The following CD55 variants were observed in gnomAD, a reference collection of about 807,000 sequenced individuals.
The protein encoded by CD55 is complement decay-accelerating factor.
CD55 carries 41 observed loss-of-function variants against 45.8 expected under a neutral mutation model. The ratio of observed to expected loss-of-function variants is 0.90; its 90% CI spans 0.70 to 1.16. CD55 has a LOEUF of 1.16. Ranked by LOEUF, CD55 falls within the 50% of genes most tolerant of loss-of-function variation. The pLI, the probability that CD55 is intolerant of heterozygous loss-of-function variation, is 0.00. For synonymous variants in CD55, 181 were observed against 181.1 expected, an observed-to-expected ratio of 1.00 and a Z score of 0.01; for missense variants, 416 against 469.8, an observed-to-expected ratio of 0.89 and a Z score of 1.06.
intron 9 of CD55, among the ~76,000 whole-genome samples, chr1:207,349,844 A>T (rs1558157023): frequency 2.0e-5 from 3 of 152,130 alleles, no homozygotes; most frequent in Non-Finnish European, 4.4e-5. Context: ...TCCTATATGG[A>T]TGCCTTTTAT....
Position 207,340,879 on chromosome 1 carries a change from C to T in CD55, c.1081+1462C>T, listed in dbSNP as rs28739014. 7.2e-3 allele frequency: 2,428 copies of T among 339,354 alleles called. 12 individuals carry two copies. Among genetic ancestry groups the T allele is most frequent in the Non-Finnish European group, 9.4e-3 (1,777 of 188,386 alleles). 21.0% of individuals were successfully genotyped at this position (339,354 alleles called of 1,614,324 possible). A position where few individuals can be genotyped will look rare whatever the true frequency, so the allele number is the denominator to read the frequency against. ...TTTTCAGGAACCTCCATATTGTTTT[C>T]CACAGTGGTTGTACTAATTTACATT... On this transcript the variant is annotated intron_variant, in intron 9 of 9. Coordinates refer to ENST00000367064, the MANE Select transcript of CD55 (RefSeq NM_000574.5).
chr1:207,341,796 T>C (rs182323683), intron 9 of CD55, among the ~76,000 whole-genome samples: 22 of 152,166 alleles, frequency 1.4e-4, no homozygotes, highest in East Asian at 5.8e-4. Flanking sequence ...GGCATTGATA[T>C]CTTGATAGGG....
intron 2 of CD55, among the ~76,000 whole-genome samples, chr1:207,323,695 C>T (rs570833129): frequency 1.3e-5 from 2 of 152,252 alleles, no homozygotes; most frequent in East Asian, 1.9e-4. Context: ...AGAAGCCATG[C>T]GTGAAATAGG....
rs546971533 is a variant in CD55 at position 207,324,788 on chromosome 1, T to C, written c.478+38T>C. ...TTTTAAAGTATTTTCAACCATCTGG[T>C]GTTTGGGGGAAATAGTATCCCTTCC... On this transcript the variant is annotated intron_variant, in intron 3 of 9. Transcript: ENST00000367064. The C allele has an allele frequency of 3.0e-6, 4 of 1,311,606 alleles. No homozygotes were observed. The East Asian group carries it at 9.2e-5, about 30-fold the overall frequency. 81.2% of individuals were successfully genotyped at this position (1,311,606 alleles called of 1,614,324 possible). A position where few individuals can be genotyped will look rare whatever the true frequency, so the allele number is the denominator to read the frequency against.
chr1:207,344,345 T>C (rs939170628), intron 9 of CD55, among the ~76,000 whole-genome samples: 38 of 152,340 alleles, frequency 2.5e-4, no homozygotes, highest in African/African-American at 8.7e-4. Context: ...GTTTTCATGA[T>C]TGTAGATATC....
chr1:207,334,220 C>G (rs578070499), intron 6 of CD55, among the ~76,000 whole-genome samples: 1 of 152,126 alleles, frequency 6.6e-6, no homozygotes, highest in Non-Finnish European at 1.5e-5. Flanking sequence ...AACCAAAAGA[C>G]AATAAGAAGA....
chr1:207,326,945 C>A, intron 5 of CD55, 108 bp downstream of exon 5: 1 of 718,794 alleles, frequency 1.4e-6, no homozygotes, highest in East Asian at 2.8e-5. Flanking sequence ...GTAGCAAACC[C>A]ACCTTTCAAT....
At chr1:207,322,294 G>A (rs768319455) in intron 1 of CD55, 88 bp from the exon 2 acceptor site, 41 of 1,040,726 alleles carry the variant, frequency 3.9e-5, no homozygotes, top group Non-Finnish European at 5.6e-5. Flanking sequence ...TTTCAGGTGT[G>A]GCATTTCAAG....
intron 5 of CD55, among the ~76,000 whole-genome samples, chr1:207,330,330 T>TAA (rs77892308): frequency 0.011 from 1,547 of 144,238 alleles, 12 homozygotes; most frequent in African/African-American, 0.02. Context: ...CCTTCATTCT[T>TAA]AAAAAAAAAA....
chr1:207,338,809 C>T (rs1404330951), intron 8 of CD55, among the ~76,000 whole-genome samples: 8 of 152,110 alleles, frequency 5.3e-5, no homozygotes, highest in Admixed American at 4.6e-4. Flanking sequence ...TTTAATCCTG[C>T]ACTTTTTCTG....
intron 9 of CD55, among the ~76,000 whole-genome samples, chr1:207,352,735 A>G (rs1479856926): frequency 6.6e-6 from 1 of 152,196 alleles, no homozygotes; most frequent in Non-Finnish European, 1.5e-5. Context: ...TAAGGAAGTC[A>G]CTGCATGCAA....
intron 9 of CD55, among the ~76,000 whole-genome samples, chr1:207,342,525 C>T (rs1655468960): frequency 1.3e-5 from 2 of 152,102 alleles, no homozygotes; most frequent in Admixed American, 1.3e-4. Flanking sequence ...TTGAATCATC[C>T]TTGCATCCCT....
chr1:207,329,861 C>T (rs1466276041), intron 5 of CD55, among the ~76,000 whole-genome samples: 1 of 152,116 alleles, frequency 6.6e-6, no homozygotes, highest in Admixed American at 6.5e-5. Flanking sequence ...GTCTGCCCGC[C>T]TCAGCCTCCC....
rs192696037 is a variant in CD55, at chr1:207,341,745, A to G, written c.1081+2328A>G. Among the ~76,000 whole-genome samples the G allele has an allele frequency of 2.9e-4, 44 of 151,556 alleles. 1 individual carries two copies. The East Asian group carries it at 7.7e-3, about 27-fold the overall frequency. On this transcript the variant is annotated intron_variant, in intron 9 of 9. Coordinates refer to ENST00000367064, the MANE Select transcript of CD55 (RefSeq NM_000574.5). ...GCTCTTTGGACTCTTTTGGTTCCAC[A>G]ATCATTTTAGGACTTTTTTTTTTCT... is the stretch of plus-strand genomic sequence containing the variant.
intron 3 of CD55, among the ~76,000 whole-genome samples, chr1:207,325,205 C>T (rs1054431634): frequency 2.0e-5 from 3 of 151,862 alleles, no homozygotes; most frequent in Admixed American, 2.0e-4. Context: ...TGTGGTGGCG[C>T]ATGCCTGTAA....
At chr1:207,358,036 C>G (rs768917034) in intron 9 of CD55, among the ~76,000 whole-genome samples, 1 of 152,062 alleles carries the variant, frequency 6.6e-6, no homozygotes, top group African/African-American at 2.4e-5. Context: ...GTAACTGAAA[C>G]CACAGATAAG....
chr1:207,358,716 T>C (rs1324988543), intron 9 of CD55: 1 of 152,224 alleles, frequency 6.6e-6, no homozygotes, highest in Non-Finnish European at 1.5e-5. Flanking sequence ...TAAAGGATAA[T>C]AGAGGCTTAA....
chr1:207,322,510 G>A lies in CD55; in HGVS notation c.229G>A (p.Asp77Asn), dbSNP rs747009122. 4 of 1,614,238 alleles carry A rather than the reference G, an allele frequency of 2.5e-6. No individual in the cohort carries two copies. The Admixed American group carries it at 5.0e-5, about 20-fold the overall frequency. The change falls in exon 2 of 10, where the codon GAC (aspartate) becomes AAC (asparagine). Residue 77 changes from aspartate to asparagine, a missense_variant. Coordinates refer to ENST00000367064, the MANE Select transcript of CD55 (RefSeq NM_000574.5). ...ESFVKIPGEK[D>N]SVICLKGSQW... Reference sequence around the variant, plus strand: ...CTTTGTGAAAATTCCTGGCGAGAAGGACTCAGTGATCTGCCTTAAGGGCAG... The same window carrying A: ...CTTTGTGAAAATTCCTGGCGAGAAGAACTCAGTGATCTGCCTTAAGGGCAG...
intron 6 of CD55, among the ~76,000 whole-genome samples, chr1:207,332,984 T>G (rs10864231): frequency 0.69 from 105,167 of 151,934 alleles, 36,862 homozygotes; most frequent in Middle Eastern, 0.83. Flanking sequence ...CCAGCAAAGC[T>G]TTAATGGTTA....
Sources: gnomAD v4.1 joint callset for allele counts (sites outside exome capture counted in the v4.1 genomes callset) on GRCh38, gnomAD v4.1.1 for gene constraint, MANE v1.5 for transcripts, NCBI Gene and HGNC (gene_info 2026-07-23, HGNC 2026-07-21) for gene names.